Variants in PACSIN2 observed in about 807,000 individuals in gnomAD.
PACSIN2 encodes the protein protein kinase C and casein kinase substrate in neurons 2, also known as protein kinase C and casein kinase substrate in neurons protein 2.
Under a neutral mutation model 63.8 loss-of-function variants are expected in PACSIN2, and 25 were observed. The observed-to-expected ratio is 0.39, with a 90% CI of 0.29 to 0.55. PACSIN2 has a LOEUF of 0.55. Ranked by LOEUF, PACSIN2 falls within the 20% of genes least tolerant of loss-of-function variation. The pLI, the probability that PACSIN2 is intolerant of heterozygous loss-of-function variation, is 0.62. For missense variants in PACSIN2, 518 were observed against 646.9 expected, an observed-to-expected ratio of 0.80 and a Z score of 2.16; for synonymous variants, 255 against 256.2, an observed-to-expected ratio of 1.00 and a Z score of 0.05.
In PACSIN2 at chr22:42,888,744, TA is replaced by T; in HGVS notation, c.507del (p.Ile170SerfsTer25). On this transcript the variant is annotated frameshift_variant, in exon 5 of 11. Coordinates refer to ENST00000263246, the MANE Select transcript of PACSIN2 (RefSeq NM_001184970.3). LOFTEE classifies it high-confidence loss of function. The stretch of plus-strand genomic sequence containing the variant: ...GCCTTGCTGTTGGCTTCTCGTGAGA[TA>T]GCCAGCTTCTCCTCTTTGCACGCTG... ...HHAACKEEKL[A>X]ISREANSKAD... The T allele has an allele frequency of 6.2e-7, 1 of 1,613,980 alleles. No individual in the cohort carries two copies. The highest frequency in any genetic ancestry group is 8.5e-7 in the Non-Finnish European group (1 of 1,179,788).
In PACSIN2 at chr22:42,979,523, C is replaced by CAAAA. The variant is rs768725896; in HGVS notation, c.-78+35494_-78+35497dup. 4.5e-3 allele frequency among the ~76,000 whole-genome samples: 279 copies of CAAAA among 61,594 alleles called. 3 individuals are homozygous for CAAAA. Among genetic ancestry groups the CAAAA allele is most frequent in the African/African-American group, 0.017 (272 of 16,178 alleles). The allele number at this position is 61,594 out of a possible 152,430, so 40.4% of individuals were successfully genotyped here. A position where few individuals can be genotyped will look rare whatever the true frequency, so the allele number is the denominator to read the frequency against. On this transcript the variant is annotated intron_variant, in intron 1 of 10. Coordinates refer to ENST00000263246, the MANE Select transcript of PACSIN2 (RefSeq NM_001184970.3). ...TAGGCAACAAAGCAAGACTCCCTCT[C>CAAAA]AAAAAAAAAAAAAAAAAAAAAGGAA...
intron 1 of PACSIN2, among the ~76,000 whole-genome samples, chr22:42,965,306 G>T (rs752007135): frequency 1.1e-4 from 16 of 152,208 alleles, no homozygotes; most frequent in Non-Finnish European, 1.5e-4. Flanking sequence ...GGGACACAAG[G>T]AAATTTTGGA....
At chr22:42,882,418 C>G in intron 6 of PACSIN2, 114 bp from the exon 7 acceptor site, 1 of 1,225,418 alleles carries the variant, frequency 8.2e-7, no homozygotes, top group Non-Finnish European at 1.1e-6. Flanking sequence ...GAGTTGGTTT[C>G]ACAGACAGAG....
rs771924693 is a variant in PACSIN2, at chr22:42,879,121, T to C, written c.955A>G (p.Lys319Glu). 5.1e-5 allele frequency: 82 copies of C among 1,613,700 alleles called. No homozygotes were observed. Among genetic ancestry groups the C allele is most frequent in the Non-Finnish European group, 6.4e-5 (76 of 1,179,888 alleles). ...GTCAGGGTGACGCCGTCAGTGGCCT[T>C]CTTCTTCTCTCTCCGGCTGAGGGTT... ...NRTLSRREKK[K>E]ATDGVTLTGI... The change falls in exon 8 of 11, where the codon AAG becomes GAG. Residue 319 changes from lysine to glutamate, a missense_variant. Coordinates refer to ENST00000263246, the MANE Select transcript of PACSIN2 (RefSeq NM_001184970.3).
chr22:42,961,550 T>C (rs1024654882), intron 1 of PACSIN2, among the ~76,000 whole-genome samples: 2 of 152,054 alleles, frequency 1.3e-5, no homozygotes, highest in East Asian at 1.9e-4. Context: ...GGCAAATGGA[T>C]TGCTTGAAGC....
At chr22:42,892,187 G>T (rs1481479686) in intron 3 of PACSIN2, among the ~76,000 whole-genome samples, 2 of 152,158 alleles carry the variant, frequency 1.3e-5, no homozygotes, top group East Asian at 3.8e-4. Context: ...GGGGTAGGGT[G>T]GGGTGGCGTG....
At position 42,876,749 on chromosome 22, in the gene PACSIN2, G is replaced by A. The variant is rs1466467039; in HGVS notation, c.1151+139C>T. ...GTGCCAGAGAGCAGGTAGTGGGCCA[G>A]GGTGCGGCACGCCAGGTGCCCACTT... On this transcript the variant is annotated intron_variant, in intron 9 of 10. Coordinates refer to ENST00000263246, the MANE Select transcript of PACSIN2 (RefSeq NM_001184970.3). The A allele has an allele frequency of 2.8e-6, 3 of 1,057,130 alleles. No homozygotes were observed. In the African/African-American group the frequency reaches 4.7e-5, roughly 16 times the overall value. The allele number at this position is 1,057,130 out of a possible 1,614,324, so 65.5% of individuals were successfully genotyped here.
At chr22:43,001,051 T>C (rs1923734906) in intron 1 of PACSIN2, among the ~76,000 whole-genome samples, 1 of 152,184 alleles carries the variant, frequency 6.6e-6, no homozygotes, top group African/African-American at 2.4e-5. Flanking sequence ...AAATAAAACT[T>C]AGGCCAAGGG....
At chr22:43,012,650 C>CT (rs1924579380) in intron 1 of PACSIN2, among the ~76,000 whole-genome samples, 1 of 151,404 alleles carries the variant, frequency 6.6e-6, no homozygotes, top group Non-Finnish European at 1.5e-5. Context: ...CTACGCCAGA[C>CT]TAATTTTTTT....
At chr22:43,012,935 G>A (rs1924599807) in intron 1 of PACSIN2, among the ~76,000 whole-genome samples, 1 of 152,104 alleles carries the variant, frequency 6.6e-6, no homozygotes, top group Non-Finnish European at 1.5e-5. Flanking sequence ...GATTACAGGC[G>A]TGAGCCACCA....
At chr22:42,951,539 GC>G (rs1933692520) in intron 1 of PACSIN2, among the ~76,000 whole-genome samples, 1 of 152,138 alleles carries the variant, frequency 6.6e-6, no homozygotes, top group Non-Finnish European at 1.5e-5. Flanking sequence ...CGACACACTG[GC>G]CAAAACCCAC....
chr22:42,947,945 C>T (rs1933504915), intron 1 of PACSIN2, among the ~76,000 whole-genome samples: 1 of 152,214 alleles, frequency 6.6e-6, no homozygotes, highest in Non-Finnish European at 1.5e-5. Context: ...ACTCCATTCT[C>T]ACAGGGTCGA....
Position 42,888,611 on chromosome 22 carries a change from A to T in PACSIN2, c.609+32T>A, listed in dbSNP as rs371930993. 2.7e-5 allele frequency: 44 copies of T among 1,608,926 alleles called. No homozygotes were observed. In the Admixed American group the frequency reaches 7.3e-4, roughly 27 times the overall value. ...ACACGTCAACAACTGACACGGTGACACTCGACGTGTAAAAACAAGTGTACA... is the reference window on the plus strand; with the variant it reads ...ACACGTCAACAACTGACACGGTGACTCTCGACGTGTAAAAACAAGTGTACA... On this transcript the variant is annotated intron_variant, in intron 5 of 10. Coordinates refer to ENST00000263246, the MANE Select transcript of PACSIN2 (RefSeq NM_001184970.3).
chr22:42,961,384 T>TAA (rs1934127340), intron 1 of PACSIN2, among the ~76,000 whole-genome samples: 1 of 146,378 alleles, frequency 6.8e-6, no homozygotes, highest in Non-Finnish European at 1.5e-5. Flanking sequence ...TGACCTTCCC[T>TAA]CCACTATTGT....
intron 1 of PACSIN2, among the ~76,000 whole-genome samples, chr22:43,001,960 A>G (rs2038062): frequency 0.62 from 94,656 of 152,004 alleles, 30,317 homozygotes; most frequent in East Asian, 0.81. Context: ...ACAGGACACC[A>G]CTCAGTCTGA....
intron 2 of PACSIN2, among the ~76,000 whole-genome samples, chr22:42,899,535 G>A (rs958652008): frequency 2.0e-5 from 3 of 152,196 alleles, no homozygotes; most frequent in Admixed American, 2.0e-4. Flanking sequence ...ACCAGAGAGT[G>A]GGAAAGGCCA....
intron 5 of PACSIN2, among the ~76,000 whole-genome samples, chr22:42,887,519 C>A (rs1929580635): frequency 6.6e-6 from 1 of 152,158 alleles, no homozygotes; most frequent in African/African-American, 2.4e-5. Flanking sequence ...TCCTGGAGTG[C>A]AGCCTCTCTC....
chr22:42,889,398 A>ACACACACACACACACACACACACACT (rs778420398), intron 4 of PACSIN2, among the ~76,000 whole-genome samples: 5 of 151,304 alleles, frequency 3.3e-5, no homozygotes, highest in African/African-American at 9.8e-5. Flanking sequence ...ACACACACAC[A>ACACACACACACACACACACACACACT]CTCTTAACAG....
chr22:42,932,517 G>C (rs2146778533), intron 1 of PACSIN2, among the ~76,000 whole-genome samples: 1 of 152,184 alleles, frequency 6.6e-6, no homozygotes, highest in African/African-American at 2.4e-5. Context: ...ACACACTTGG[G>C]GATCTTTACA....
Sources: allele counts gnomAD v4.1 joint callset (sites outside exome capture counted in the v4.1 genomes callset), GRCh38; gene constraint gnomAD v4.1.1; transcripts MANE v1.5; gene names NCBI Gene and HGNC (gene_info 2026-07-23, HGNC 2026-07-21).